The following CTNNA2 variants were observed in gnomAD, a reference collection of about 807,000 sequenced individuals.
CTNNA2 encodes catenin alpha 2, also known as catenin alpha-2.
A neutral mutation model predicts 101.0 loss-of-function variants in CTNNA2; 42 were observed. That is an observed-to-expected ratio of 0.42 (90% CI 0.32 to 0.54). CTNNA2 has a LOEUF of 0.54. Ranked by LOEUF, CTNNA2 falls within the 20% of genes least tolerant of loss-of-function variation. The pLI, the probability that CTNNA2 is intolerant of heterozygous loss-of-function variation, is 0.14. For synonymous variants in CTNNA2, 450 were observed against 456.4 expected (o/e 0.99, Z 0.18); for missense variants, 871 against 1,223.1 (o/e 0.71, Z 4.29).
rs182318296 is a variant in CTNNA2 at position 80,217,821 on chromosome 2, T to C, written c.1057-175390T>C. 5.4e-3 allele frequency among the ~76,000 whole-genome samples: 827 copies of C among 152,304 alleles called. 7 individuals are homozygous for C. Among genetic ancestry groups the C allele is most frequent in the African/African-American group, 0.019 (790 of 41,570 alleles). Reference sequence around the variant, plus strand: ...GGAGAGGGGTTCAGGGCTGGACCACTTGATATTCTGCACACCTGAGCCTCC... The same window carrying C: ...GGAGAGGGGTTCAGGGCTGGACCACCTGATATTCTGCACACCTGAGCCTCC... On this transcript the variant is annotated intron_variant, in intron 7 of 18. Coordinates refer to ENST00000402739, the MANE Select transcript of CTNNA2 (RefSeq NM_001282597.3).
intron 3 of CTNNA2, among the ~76,000 whole-genome samples, chr2:79,331,319 T>C (rs1184250805): frequency 2.6e-5 from 4 of 152,122 alleles, no homozygotes; most frequent in Admixed American, 2.6e-4. Context: ...GTCTATGGGA[T>C]GTTTATCCAG....
intron 2 of CTNNA2, among the ~76,000 whole-genome samples, chr2:79,716,524 G>A (rs571393135): frequency 1.3e-5 from 2 of 152,026 alleles, no homozygotes; most frequent in African/African-American, 2.4e-5. Flanking sequence ...TGTTCTCATC[G>A]TTCAGCTCCC....
intron 7 of CTNNA2, among the ~76,000 whole-genome samples, chr2:80,188,279 AG>A (rs1706258962): frequency 6.6e-6 from 1 of 152,188 alleles, no homozygotes; most frequent in African/African-American, 2.4e-5. Context: ...GATCCTTGCA[AG>A]GGAGAAAAGT....
chr2:79,464,598 C>A (rs1670914225), intron 4 of CTNNA2, among the ~76,000 whole-genome samples: 1 of 152,132 alleles, frequency 6.6e-6, no homozygotes, highest in African/African-American at 2.4e-5. Context: ...ACAGTCCCAC[C>A]AACAGTGTAA....
chr2:80,645,618 C>T (rs1455952229), intron 18 of CTNNA2, among the ~76,000 whole-genome samples: 1 of 152,114 alleles, frequency 6.6e-6, no homozygotes, highest in Admixed American at 6.6e-5. Context: ...CGATTTCTAA[C>T]AGATTCCCGG....
chr2:79,297,497 C>T (rs948656212), intron 2 of CTNNA2, among the ~76,000 whole-genome samples: 1 of 152,182 alleles, frequency 6.6e-6, no homozygotes, highest in African/African-American at 2.4e-5. Context: ...CAGTTGGCCA[C>T]TTGGCTTTAC....
At chr2:79,894,063 T>TTCC (rs1553396416) in intron 6 of CTNNA2, among the ~76,000 whole-genome samples, 6,141 of 60,102 alleles carry the variant, frequency 0.1, 594 homozygotes, top group East Asian at 0.2. Context: ...CTTCTTCTTC[T>TTCC]TCCTCCTCCT....
At chr2:79,820,614 G>T (rs1414978907) in intron 3 of CTNNA2, among the ~76,000 whole-genome samples, 2 of 152,154 alleles carry the variant, frequency 1.3e-5, no homozygotes, top group Non-Finnish European at 2.9e-5. Flanking sequence ...ACAAATTATA[G>T]CAAGTGTTCA....
intron 7 of CTNNA2, among the ~76,000 whole-genome samples, chr2:80,198,505 A>G (rs1706990312): frequency 6.6e-6 from 1 of 152,230 alleles, no homozygotes. Flanking sequence ...CCTATGCTTA[A>G]TAAACCATAA....
chr2:80,546,169 T>C lies in CTNNA2; in HGVS notation c.1540+106T>C, dbSNP rs538251278. The C allele has an allele frequency of 2.7e-4, 368 of 1,381,310 alleles. 2 individuals carry two copies. The African/African-American group carries it at 4.9e-3, about 18-fold the overall frequency. 85.6% of individuals were successfully genotyped at this position (1,381,310 alleles called of 1,614,324 possible). A position where few individuals can be genotyped will look rare whatever the true frequency, so the allele number is the denominator to read the frequency against. ...TGGATCTGTGTTTCAGGCGCACTCCTTAGATCTTTGAGCTTTTTTGATCAT... is the reference window on the plus strand; with the variant it reads ...TGGATCTGTGTTTCAGGCGCACTCCCTAGATCTTTGAGCTTTTTTGATCAT... On this transcript the variant is annotated intron_variant, in intron 11 of 18. Transcript: ENST00000402739.
intron 4 of CTNNA2, among the ~76,000 whole-genome samples, chr2:79,439,044 T>G (rs568483817): frequency 6.6e-6 from 1 of 152,292 alleles, no homozygotes; most frequent in African/African-American, 2.4e-5. Flanking sequence ...AGAAGCATCA[T>G]AGGACCCAGT....
intron 7 of CTNNA2, among the ~76,000 whole-genome samples, chr2:80,285,214 G>A (rs1318158890): frequency 2.0e-5 from 3 of 152,144 alleles, no homozygotes; most frequent in Non-Finnish European, 2.9e-5. Flanking sequence ...AGAAGGTGGG[G>A]AATGGCAATT....
At chr2:80,216,005 C>G (rs1573416954) in intron 7 of CTNNA2, among the ~76,000 whole-genome samples, 1 of 152,218 alleles carries the variant, frequency 6.6e-6, no homozygotes, top group Non-Finnish European at 1.5e-5. Flanking sequence ...GCAGTTCTAT[C>G]TCAGACTGCT....
At chr2:80,640,016 C>T (rs1312824131) in intron 18 of CTNNA2, among the ~76,000 whole-genome samples, 3 of 151,922 alleles carry the variant, frequency 2.0e-5, no homozygotes, top group African/African-American at 4.8e-5. Flanking sequence ...GTAGGAGAAT[C>T]GCTTGAACCC....
chr2:80,646,907 A>G (rs1361864505), intron 18 of CTNNA2, among the ~76,000 whole-genome samples: 3 of 152,122 alleles, frequency 2.0e-5, no homozygotes, highest in African/African-American at 7.2e-5. Flanking sequence ...GATAATGCCT[A>G]TATTATAGAG....
chr2:80,537,820 C>T (rs773098496), intron 9 of CTNNA2, among the ~76,000 whole-genome samples: 5 of 152,048 alleles, frequency 3.3e-5, no homozygotes, highest in South Asian at 2.1e-4. Flanking sequence ...CTCGAACTCC[C>T]GACCTCAGAT....
At chr2:79,678,788 C>T (rs1390867461) in intron 2 of CTNNA2, among the ~76,000 whole-genome samples, 1 of 152,188 alleles carries the variant, frequency 6.6e-6, no homozygotes, top group Non-Finnish European at 1.5e-5. Flanking sequence ...GAATAGCATT[C>T]TCCAAATTAG....
chr2:79,228,417 T>C (rs558641899), intron 2 of CTNNA2, among the ~76,000 whole-genome samples: 2 of 152,324 alleles, frequency 1.3e-5, no homozygotes, highest in African/African-American at 4.8e-5. Context: ...CAACACGTGT[T>C]GTTTTTGACT....
intron 4 of CTNNA2, among the ~76,000 whole-genome samples, chr2:79,460,033 C>T (rs1284227609): frequency 6.6e-6 from 1 of 152,018 alleles, no homozygotes; most frequent in Admixed American, 6.6e-5. Context: ...TAGGACATTG[C>T]CTAGTGTCTT....
Sources: allele counts gnomAD v4.1 joint callset (sites outside exome capture counted in the v4.1 genomes callset), GRCh38; gene constraint gnomAD v4.1.1; transcripts MANE v1.5; gene names NCBI Gene and HGNC (gene_info 2026-07-23, HGNC 2026-07-21).